GSE1: variants seen among roughly 807,000 people sequenced by gnomAD.
GSE1 encodes the protein Gse1 coiled-coil protein.
A neutral mutation model predicts 112.6 loss-of-function variants in GSE1; 32 were observed. The observed-to-expected ratio is 0.28, with a 90% CI of 0.21 to 0.38. GSE1 has a LOEUF of 0.38. GSE1 is among the 10% of genes least tolerant of loss of function. GSE1 has a pLI of 1.00. For synonymous variants in GSE1, 1,115 were observed against 735.6 expected, an observed-to-expected ratio of 1.52 and a Z score of -8.35; for missense variants, 2,348 against 1,699.2, an observed-to-expected ratio of 1.38 and a Z score of -6.71.
intron 2 of GSE1, among the ~76,000 whole-genome samples, chr16:85,541,221 G>C (rs1023294981): frequency 6.6e-6 from 1 of 152,356 alleles, no homozygotes; most frequent in South Asian, 2.1e-4. Flanking sequence ...GATGGTGAGA[G>C]CTGACCACCT....
intron 1 of GSE1, among the ~76,000 whole-genome samples, chr16:85,267,792 C>T (rs961887266): frequency 1.1e-4 from 17 of 152,148 alleles, no homozygotes; most frequent in Non-Finnish European, 2.2e-4. Context: ...GGCACTGTAT[C>T]GATATGCTCT....
At chr16:85,515,705 G>A (rs1292313403) in intron 2 of GSE1, among the ~76,000 whole-genome samples, 1 of 152,124 alleles carries the variant, frequency 6.6e-6, no homozygotes, top group African/African-American at 2.4e-5. Context: ...CCCTGCAGCT[G>A]GGCTGTGCAG....
chr16:85,667,596 G>C (rs188967885), intron 13 of GSE1, among the ~76,000 whole-genome samples: 1 of 152,228 alleles, frequency 6.6e-6, no homozygotes, highest in South Asian at 2.1e-4. Context: ...AGTGGCTCAC[G>C]CTTGTAATTC....
Position 85,213,126 on chromosome 16 carries a change from A to C in GSE1, c.2283+41319A>C, listed in dbSNP as rs150257739. On this transcript the variant is annotated intron_variant, in intron 1 of 2. Transcript: ENST00000637419. ...TCTACTAAAATACAAAAAATTAGCC[A>C]GCCGTGGTGGCGCATGCCTGTAGTC... 6.5e-3 allele frequency among the ~76,000 whole-genome samples: 985 copies of C among 152,092 alleles called. 4 individuals carry two copies. Among genetic ancestry groups the C allele is most frequent in the Non-Finnish European group, 9.6e-3 (654 of 67,972 alleles).
Position 85,672,760 on chromosome 16 carries a change from T to C in GSE1, c.*221T>C, listed in dbSNP as rs144822972. Reference sequence around the variant, plus strand: ...CATTCAGCGAGCAACCAATGTAGGATTGCCCACAGTTTTTCTTTTTAAAGG... The same window carrying C: ...CATTCAGCGAGCAACCAATGTAGGACTGCCCACAGTTTTTCTTTTTAAAGG... On this transcript the variant is annotated 3_prime_UTR_variant, in exon 16 of 16. Transcript: ENST00000253458. 426 of 368,592 alleles carry C rather than the reference T, an allele frequency of 1.2e-3. 1 individual carries two copies. Among genetic ancestry groups the C allele is most frequent in the African/African-American group, 7.9e-3 (385 of 48,632 alleles). The allele number at this position is 368,592 out of a possible 1,614,324, so 22.8% of individuals were successfully genotyped here.
At chr16:85,656,102 C>T (rs776422741) in intron 6 of GSE1, among the ~76,000 whole-genome samples, 185 bp downstream of exon 6, 5 of 152,238 alleles carry the variant, frequency 3.3e-5, no homozygotes, top group Middle Eastern at 3.4e-3. Flanking sequence ...TCTCGGTAGC[C>T]GTGGTCTCCT....
chr16:85,453,797 G>A (rs556663431), intron 2 of GSE1, among the ~76,000 whole-genome samples: 3 of 152,168 alleles, frequency 2.0e-5, no homozygotes, highest in Admixed American at 1.3e-4. Context: ...AGCTCTGGGC[G>A]GACCCCCAGG....
chr16:85,461,696 G>C (rs545660619), intron 2 of GSE1, among the ~76,000 whole-genome samples: 7 of 152,148 alleles, frequency 4.6e-5, no homozygotes, highest in Non-Finnish European at 8.8e-5. Context: ...GGCTGCAGTC[G>C]GTGGGCTGGG....
At chr16:85,188,381 TGC>T (rs2074752544) in intron 1 of GSE1, among the ~76,000 whole-genome samples, 1 of 152,256 alleles carries the variant, frequency 6.6e-6, no homozygotes, top group African/African-American at 2.4e-5. Context: ...TTATTACTTT[TGC>T]TATTTATTAT....
intron 1 of GSE1, among the ~76,000 whole-genome samples, chr16:85,303,708 A>C (rs2045588185): frequency 6.6e-6 from 1 of 152,244 alleles, no homozygotes; most frequent in Admixed American, 6.5e-5. Flanking sequence ...CGCTGGGGCC[A>C]CAGGCACCGG....
intron 2 of GSE1, among the ~76,000 whole-genome samples, chr16:85,435,509 C>T (rs1015802517): frequency 3.6e-4 from 55 of 152,152 alleles, no homozygotes; most frequent in Non-Finnish European, 5.9e-4. Context: ...GCAGCAGGTG[C>T]GCCCATCTGA....
intron 14 of GSE1, 95 bp downstream of exon 14, chr16:85,668,519 G>T: frequency 1.2e-6 from 1 of 834,034 alleles, no homozygotes; most frequent in Non-Finnish European, 1.9e-6. Context: ...CTGCCAGCCT[G>T]GGGACTGTTT....
Position 85,311,341 on chromosome 16 carries a change from G to A in GSE1, c.2284-46122G>A, listed in dbSNP as rs573772825. ...TGGGCGTCGTTAGAGCAGAAACGGT[G>A]GTGGCAGGACCCAAGACTGTGCAGT... On this transcript the variant is annotated intron_variant, in intron 1 of 2. Transcript: ENST00000637419. The surrounding 1 kb of genome is among the most constrained non-coding windows in gnomAD (Gnocchi z 4.2). Among the ~76,000 whole-genome samples, 2 of 152,342 alleles carry A rather than the reference G, an allele frequency of 1.3e-5. No individual in the cohort carries two copies. Among genetic ancestry groups the A allele is most frequent in the South Asian group, 4.1e-4 (2 of 4,830 alleles).
intron 1 of GSE1, among the ~76,000 whole-genome samples, chr16:85,294,677 C>CCT (rs1567669700): frequency 4.9e-4 from 70 of 143,430 alleles, no homozygotes; most frequent in African/African-American, 1.9e-3. Context: ...CTCTCCCCCC[C>CCT]CTTCCCTCCC....
intron 1 of GSE1, among the ~76,000 whole-genome samples, chr16:85,243,000 A>T (rs778848722): frequency 2.6e-5 from 4 of 152,070 alleles, no homozygotes; most frequent in South Asian, 2.1e-4. Context: ...TTTTACAGAG[A>T]TGGGGTCTCG....
intron 1 of GSE1, among the ~76,000 whole-genome samples, chr16:85,249,617 G>A (rs1184104875): frequency 6.6e-6 from 1 of 152,240 alleles, no homozygotes; most frequent in Non-Finnish European, 1.5e-5. Flanking sequence ...CAGAGTCCTG[G>A]GTTCCCGCCA....
intron 2 of GSE1, among the ~76,000 whole-genome samples, chr16:85,480,680 G>C (rs1431086783): frequency 7.0e-6 from 1 of 141,972 alleles, no homozygotes; most frequent in African/African-American, 3.1e-5. Context: ...TGCCTTCCCA[G>C]CAGGTGTGGC....
At chr16:85,627,404 G>A (rs1023908308) in intron 1 of GSE1, among the ~76,000 whole-genome samples, 2 of 152,076 alleles carry the variant, frequency 1.3e-5, no homozygotes, top group Non-Finnish European at 2.9e-5. Context: ...AGGCTCACAT[G>A]AAGAAGGGGT....
chr16:85,377,912 G>T (rs554503583), intron 2 of GSE1, among the ~76,000 whole-genome samples: 1 of 152,374 alleles, frequency 6.6e-6, no homozygotes, highest in Admixed American at 6.5e-5. Context: ...AAACCGCAGG[G>T]CCTGGCCGCT....
Sources: gnomAD v4.1 joint callset for allele counts (sites outside exome capture counted in the v4.1 genomes callset) on GRCh38, gnomAD v4.1.1 for gene constraint, Gnocchi (gnomAD v3.1) non-coding constraint, MANE v1.5 for transcripts, NCBI Gene and HGNC (gene_info 2026-07-23, HGNC 2026-07-21) for gene names.